FAT4: variants seen among roughly 807,000 people sequenced by gnomAD.
FAT4 encodes protocadherin Fat 4.
Under a neutral mutation model 303.9 loss-of-function variants are expected in FAT4, and 84 were observed. That is an observed-to-expected ratio of 0.28 (90% CI 0.23 to 0.33). The LOEUF is 0.33. Among genes scored for constraint, FAT4 ranks in the 10% least tolerant of loss-of-function variants. The probability of loss-of-function intolerance (pLI) is 1.00; values close to 1 mark genes in which losing one functional copy is unlikely to be tolerated. For synonymous variants in FAT4, 2,307 were observed against 2,298.8 expected (o/e 1.00, Z -0.10); for missense variants, 6,005 against 6,146.8 (o/e 0.98, Z 0.77).
In FAT4 at chr4:125,449,638, A is replaced by T; in HGVS notation, c.8628A>T (p.Arg2876Ser). 1 of 1,613,948 alleles carries T rather than the reference A, an allele frequency of 6.2e-7. No individual in the cohort carries two copies. Among genetic ancestry groups the T allele is most frequent in the South Asian group, 1.1e-5 (1 of 91,078 alleles). Residue 2876 changes from arginine to serine, a missense_variant, in exon 10 of 18, where the codon AGA (arginine) becomes AGT (serine). Arg to Ser is a moderately radical substitution (Grantham distance 110). Transcript: ENST00000394329. Reference sequence around the variant, plus strand: ...ATGACAATGCTCCAAGATTTAGCAGAACTTCCTATTATTTAGATTGCCCTG... The same window carrying T: ...ATGACAATGCTCCAAGATTTAGCAGTACTTCCTATTATTTAGATTGCCCTG... ...DINDNAPRFSRTSYYLDCPEL... is the reference protein window; with the variant it reads ...DINDNAPRFSSTSYYLDCPEL...
intron 16 of FAT4, among the ~76,000 whole-genome samples, chr4:125,486,782 A>G (rs1727426297): frequency 6.6e-6 from 1 of 152,216 alleles, no homozygotes; most frequent in African/African-American, 2.4e-5. Flanking sequence ...TTTGTTCATC[A>G]TAGTTTTTGA....
In FAT4 at chr4:125,406,859, A is replaced by T. The variant is rs775380420; in HGVS notation, c.5308-21A>T. 17 of 1,608,746 alleles carry T rather than the reference A, an allele frequency of 1.1e-5. No homozygotes were observed. In the African/African-American group the frequency reaches 2.1e-4, roughly 20 times the overall value. On this transcript the variant is annotated intron_variant, in intron 3 of 17. Coordinates refer to ENST00000394329, the MANE Select transcript of FAT4 (RefSeq NM_001291303.3). ...TGCTTTTCTACTTCCAATAGCTCAG[A>T]TGCTTGGTCTCTTTTTTTAGGGTGC...
chr4:125,461,889 G>A lies in FAT4; in HGVS notation c.11801-1674G>A, dbSNP rs139931736. Among the ~76,000 whole-genome samples, 573 of 151,968 alleles carry A rather than the reference G, an allele frequency of 3.8e-3. 3 individuals are homozygous for A. The highest frequency in any genetic ancestry group is 6.4e-3 in the Non-Finnish European group (434 of 67,830). ...AAACAGGAAAGAGTTCTGTGAAACC[G>A]CAACTCTCTGGTGAGAAATCAAGCA... is the stretch of plus-strand genomic sequence containing the variant. On this transcript the variant is annotated intron_variant, in intron 10 of 17. Transcript: ENST00000394329.
chr4:125,345,263 T>C (rs1438592550), intron 2 of FAT4, among the ~76,000 whole-genome samples: 1 of 152,102 alleles, frequency 6.6e-6, no homozygotes, highest in Non-Finnish European at 1.5e-5. Context: ...CATATGGGAA[T>C]AGAACAGCGA....
At chr4:125,468,193 G>A (rs1368392783) in intron 11 of FAT4, among the ~76,000 whole-genome samples, 2 of 151,932 alleles carry the variant, frequency 1.3e-5, no homozygotes, top group African/African-American at 2.4e-5. Context: ...ATTTTGAAAC[G>A]TTTCTGGGAA....
intron 12 of FAT4, among the ~76,000 whole-genome samples, chr4:125,475,911 A>T (rs1288690315): frequency 3.3e-5 from 5 of 152,120 alleles, no homozygotes; most frequent in Admixed American, 3.3e-4. Context: ...CACCTATAAA[A>T]CAGGGGAGCA....
At chr4:125,478,008 C>A (rs1578689890) in intron 14 of FAT4, among the ~76,000 whole-genome samples, 1 of 152,072 alleles carries the variant, frequency 6.6e-6, no homozygotes, top group African/African-American at 2.4e-5. Context: ...TGCTTAGTAT[C>A]CCAAGATGTG....
rs750714659 is a variant in FAT4 at position 125,415,708 on chromosome 4, C to G, written c.6745C>G (p.Leu2249Val). Residue 2249 changes from leucine (L) to valine (V), a missense_variant, in exon 6 of 18, where the codon CTA becomes GTA. Leu to Val is a conservative substitution (Grantham distance 32). Transcript: ENST00000394329. ...RTDTSTVSIV[L>V]LDINDFVPVF... ...TGATACCTCCACGGTCAGCATTGTT[C>G]TACTGGATATTAATGACTTTGTTCC... 1 of 1,613,862 alleles carries G rather than the reference C, an allele frequency of 6.2e-7. No homozygotes were observed.
At position 125,317,668 on chromosome 4, in the gene FAT4, A is replaced by C. The variant is rs1730682180; in HGVS notation, c.1257A>C (p.Leu419=). The C allele has an allele frequency of 1.2e-6, 2 of 1,613,902 alleles. No individual in the cohort carries two copies. The highest frequency in any genetic ancestry group is 1.7e-6 in the Non-Finnish European group (2 of 1,179,986). The change falls in exon 2 of 18, where the codon CTA becomes CTC. Residue 419 remains leucine, a synonymous_variant. Coordinates refer to ENST00000394329, the MANE Select transcript of FAT4 (RefSeq NM_001291303.3). This position sits in a 1 kb window ranked among gnomAD's most constrained non-coding sequence, Gnocchi z 7.0. ...GCAGCAAAGTGCCGAACCTGAGCCT[A>C]ATCAAGGTGGCCAGCGCCTTGGACC... ...VQSSKVPNLS[L]IKVASALDRE... is the part of the protein sequence containing the mutation.
chr4:125,487,370 C>T lies in FAT4; in HGVS notation c.12848C>T (p.Thr4283Ile). ...ATTAAGAATGGCAAAGTATATTTTA[C>T]ATCCGATGCAGGAATTGCTGGGAAA... is the stretch of plus-strand genomic sequence containing the variant. ...VKIKNGKVYFTSDAGIAGKVE... is the reference protein window; with the variant it reads ...VKIKNGKVYFISDAGIAGKVE... Residue 4283 changes from threonine to isoleucine, a missense_variant, in exon 17 of 18, where the codon ACA becomes ATA. Coordinates refer to ENST00000394329, the MANE Select transcript of FAT4 (RefSeq NM_001291303.3). 2 of 1,613,410 alleles carry T rather than the reference C, an allele frequency of 1.2e-6. No individual in the cohort carries two copies. The highest frequency in any genetic ancestry group is 1.7e-6 in the Non-Finnish European group (2 of 1,179,474).
intron 2 of FAT4, among the ~76,000 whole-genome samples, chr4:125,362,037 C>A (rs1280078325): frequency 6.6e-6 from 1 of 152,098 alleles, no homozygotes; most frequent in East Asian, 1.9e-4. Flanking sequence ...CATTGAAAGA[C>A]CTTTGAAATT....
chr4:125,409,189 A>G (rs1282219112), intron 5 of FAT4, among the ~76,000 whole-genome samples: 1 of 152,192 alleles, frequency 6.6e-6, no homozygotes, highest in Non-Finnish European at 1.5e-5. Context: ...ATGAAACCAA[A>G]GACTTAAGTA....
chr4:125,385,837 G>A (rs1222309902), intron 2 of FAT4, among the ~76,000 whole-genome samples: 4 of 152,060 alleles, frequency 2.6e-5, no homozygotes, highest in African/African-American at 9.7e-5. Flanking sequence ...AAAAAATTCA[G>A]CTTTTCGTCC....
intron 2 of FAT4, among the ~76,000 whole-genome samples, chr4:125,395,197 T>C (rs983735111): frequency 6.6e-6 from 1 of 152,124 alleles, no homozygotes; most frequent in African/African-American, 2.4e-5. Context: ...TGCCAAACCA[T>C]GCTGAAAGCT....
intron 2 of FAT4, among the ~76,000 whole-genome samples, chr4:125,329,479 G>T (rs147499698): frequency 2.0e-5 from 3 of 151,992 alleles, no homozygotes; most frequent in African/African-American, 7.3e-5. Flanking sequence ...TCTCAGCCTC[G>T]TTCGCAAGCA....
intron 3 of FAT4, among the ~76,000 whole-genome samples, chr4:125,404,994 T>G (rs755635759): frequency 3.4e-4 from 52 of 151,362 alleles, no homozygotes; most frequent in Non-Finnish European, 5.6e-4. Flanking sequence ...TGTCTCAAAT[T>G]CCTTTTTTTT....
rs1041054161 is a variant in FAT4, at chr4:125,326,479, AC to A, written c.5175+4896del. ...AGTGCATTTTTAGGGATTTTATTTA[AC>A]CCATACAATACTAATATCATTTGCA... On this transcript the variant is annotated intron_variant, in intron 2 of 17. Coordinates refer to ENST00000394329, the MANE Select transcript of FAT4 (RefSeq NM_001291303.3). 5.8e-4 allele frequency among the ~76,000 whole-genome samples: 88 copies of A among 152,204 alleles called. 1 individual carries two copies. The highest frequency in any genetic ancestry group is 3.6e-3 in the Admixed American group (55 of 15,280).
At chr4:125,364,058 G>T (rs2125986901) in intron 2 of FAT4, among the ~76,000 whole-genome samples, 1 of 152,138 alleles carries the variant, frequency 6.6e-6, no homozygotes, top group African/African-American at 2.4e-5. Flanking sequence ...GTCCGTTGTT[G>T]ATGGACTGAT....
chr4:125,326,177 ATAAAT>A (rs1315344316), intron 2 of FAT4, among the ~76,000 whole-genome samples: 4 of 152,122 alleles, frequency 2.6e-5, no homozygotes, highest in African/African-American at 4.8e-5. Context: ...CAATCTGATA[ATAAAT>A]TAATTTATTT....
Sources: allele counts gnomAD v4.1 joint callset (sites outside exome capture counted in the v4.1 genomes callset), GRCh38; gene constraint gnomAD v4.1.1; non-coding constraint Gnocchi (gnomAD v3.1); transcripts MANE v1.5; gene names NCBI Gene and HGNC (gene_info 2026-07-23, HGNC 2026-07-21).